EML6: variants seen among roughly 807,000 people sequenced by gnomAD.
EML6 encodes the protein EMAP like 6.
In EML6, 154 loss-of-function variants were observed where a neutral mutation model predicts 240.1. The observed-to-expected ratio is 0.64, with a 90% CI of 0.56 to 0.73. The LOEUF is 0.73. Among genes scored for constraint, EML6 ranks in the 30% least tolerant of loss-of-function variants. The probability of loss-of-function intolerance (pLI) is 0.00; values close to 1 mark genes in which losing one functional copy is unlikely to be tolerated. For synonymous variants in EML6, 1,148 were observed against 899.0 expected (o/e 1.28, Z -4.95); for missense variants, 2,964 against 2,474.6 (o/e 1.20, Z -4.20).
chr2:54,744,574 C>T (rs917968528), intron 2 of EML6, among the ~76,000 whole-genome samples: 2 of 151,686 alleles, frequency 1.3e-5, no homozygotes, highest in Non-Finnish European at 2.9e-5. Context: ...ACCTCTGGAA[C>T]GCAGAGCAGG....
In EML6 at chr2:54,803,034, A is replaced by G. The variant is rs181279322; in HGVS notation, c.198-10198A>G. 1.1e-3 allele frequency among the ~76,000 whole-genome samples: 162 copies of G among 152,108 alleles called. 1 individual carries two copies. The highest frequency in any genetic ancestry group is 3.7e-3 in the African/African-American group (152 of 41,508). On this transcript the variant is annotated intron_variant, in intron 2 of 41. Coordinates refer to ENST00000356458, the MANE Select transcript of EML6 (RefSeq NM_001039753.4). ...CAGGTCCCCTCTTTCCTGCCCACTT[A>G]CTCCTCCAAACACCAACTTGCTGGA...
chr2:54,923,235 C>T lies in EML6; in HGVS notation c.3676-5078C>T, dbSNP rs149672182. ...GGATTACAGGTGTGAGCCACCACGCCTGGCCAAAGAGTATAAACTTTTAAG... is the reference window on the plus strand; with the variant it reads ...GGATTACAGGTGTGAGCCACCACGCTTGGCCAAAGAGTATAAACTTTTAAG... On this transcript the variant is annotated intron_variant, in intron 26 of 41. Transcript: ENST00000356458. Among the ~76,000 whole-genome samples the T allele has an allele frequency of 2.3e-4, 35 of 152,176 alleles. No homozygotes were observed. The Middle Eastern group carries it at 0.01, about 44-fold the overall frequency.
At chr2:54,729,677 C>G (rs1683069839) in intron 2 of EML6, among the ~76,000 whole-genome samples, 1 of 152,196 alleles carries the variant, frequency 6.6e-6, no homozygotes, top group African/African-American at 2.4e-5. Flanking sequence ...GCTTTATGGC[C>G]TCTTATATTG....
chr2:54,784,330 C>G (rs1437161302), intron 2 of EML6, among the ~76,000 whole-genome samples: 1 of 152,092 alleles, frequency 6.6e-6, no homozygotes, highest in Non-Finnish European at 1.5e-5. Context: ...GTGCCTATCA[C>G]TTTTTTGCTA....
At chr2:54,830,554 G>A (rs1668817763) in intron 7 of EML6, among the ~76,000 whole-genome samples, 4 of 152,204 alleles carry the variant, frequency 2.6e-5, no homozygotes, top group Admixed American at 2.6e-4. Context: ...CCCCCGCTGT[G>A]TGACCTGATG....
Position 54,928,665 on chromosome 2 carries a change from C to T in EML6, c.3918C>T (p.Tyr1306=), listed in dbSNP as rs1237878694. 1.9e-6 allele frequency: 3 copies of T among 1,552,122 alleles called. No homozygotes were observed. Among genetic ancestry groups the T allele is most frequent in the East Asian group, 2.4e-5 (1 of 40,926 alleles). ...SDVAREKAID[Y]TTKIYAVSIR... is the part of the protein sequence containing the mutation. Reference sequence around the variant, plus strand: ...TTGCTAGAGAAAAGGCCATTGACTACACCACCAAGATTTATGCTGTGAGCA... The same window carrying T: ...TTGCTAGAGAAAAGGCCATTGACTATACCACCAAGATTTATGCTGTGAGCA... The change falls in exon 28 of 42, where the codon TAC becomes TAT. Residue 1306 remains tyrosine (Y), a synonymous_variant. Coordinates refer to ENST00000356458, the MANE Select transcript of EML6 (RefSeq NM_001039753.4).
intron 28 of EML6, among the ~76,000 whole-genome samples, chr2:54,942,833 A>G (rs1675495882): frequency 6.6e-6 from 1 of 152,068 alleles, no homozygotes; most frequent in African/African-American, 2.4e-5. Flanking sequence ...CCTGATCTTC[A>G]TCAAGACAAA....
chr2:54,953,624 G>A (rs1676090014), intron 31 of EML6, among the ~76,000 whole-genome samples: 1 of 152,102 alleles, frequency 6.6e-6, no homozygotes, highest in Non-Finnish European at 1.5e-5. Flanking sequence ...GGGCGGCAGT[G>A]GCTCACATTT....
chr2:54,948,315 C>T (rs1675793469), intron 28 of EML6, among the ~76,000 whole-genome samples: 1 of 152,126 alleles, frequency 6.6e-6, no homozygotes, highest in Non-Finnish European at 1.5e-5. Context: ...GGCGGGAGTG[C>T]TGTCTGTCTC....
chr2:54,869,130 T>C lies in EML6; in HGVS notation c.2052-51T>C. On this transcript the variant is annotated intron_variant, in intron 14 of 41. Coordinates refer to ENST00000356458, the MANE Select transcript of EML6 (RefSeq NM_001039753.4). ...CTTGCCTCTGACACCTCCTGCTCCA[T>C]GCATTTGCTGTTTGTTCAACCACTA... is the stretch of plus-strand genomic sequence containing the variant. 4 of 1,282,624 alleles carry C rather than the reference T, an allele frequency of 3.1e-6. No homozygotes were observed. In the South Asian group the frequency reaches 5.5e-5, roughly 18 times the overall value. 79.5% of individuals were successfully genotyped at this position (1,282,624 alleles called of 1,614,324 possible). A position where few individuals can be genotyped will look rare whatever the true frequency, so the allele number is the denominator to read the frequency against.
chr2:54,913,950 C>T (rs906690618), intron 25 of EML6, among the ~76,000 whole-genome samples: 1 of 152,102 alleles, frequency 6.6e-6, no homozygotes, highest in Non-Finnish European at 1.5e-5. Context: ...TTGACTGTGT[C>T]GAAGATCAGC....
chr2:54,927,782 C>T (rs527592017), intron 26 of EML6, among the ~76,000 whole-genome samples: 30 of 152,208 alleles, frequency 2.0e-4, no homozygotes, highest in African/African-American at 4.8e-4. Flanking sequence ...TCAATGTTTG[C>T]GTGTTTGTAT....
rs1369856811 is a variant in EML6, at chr2:54,954,080, C to T, written c.4410C>T (p.Phe1470=). 2 of 1,551,766 alleles carry T rather than the reference C, an allele frequency of 1.3e-6. No homozygotes were observed. Among genetic ancestry groups the T allele is most frequent in the Admixed American group, 3.9e-5 (2 of 50,994 alleles). Residue 1470 remains phenylalanine (F), a synonymous_variant, in exon 32 of 42, where the codon TTC becomes TTT. Transcript: ENST00000356458. The stretch of plus-strand genomic sequence containing the variant: ...CCAAGGGGGTGAATTACATCAACTT[C>T]AGTGCAACTGGAAAGCTCCTGGTGT... ...FHSKGVNYIN[F]SATGKLLVSV...
intron 28 of EML6, among the ~76,000 whole-genome samples, chr2:54,931,606 C>T (rs896610083): frequency 2.6e-5 from 4 of 152,138 alleles, no homozygotes; most frequent in Non-Finnish European, 1.5e-5. Flanking sequence ...AGGGGTTTTC[C>T]TTGGTGTTCC....
intron 21 of EML6, among the ~76,000 whole-genome samples, chr2:54,896,641 A>G (rs976803319): frequency 1.6e-4 from 25 of 152,228 alleles, no homozygotes; most frequent in Admixed American, 1.4e-3. Flanking sequence ...TCATATGAGC[A>G]GTCAGAACTT....
At chr2:54,825,542 C>G (rs1218808354) in intron 5 of EML6, among the ~76,000 whole-genome samples, 5 of 152,178 alleles carry the variant, frequency 3.3e-5, no homozygotes, top group African/African-American at 9.7e-5. Context: ...GTATTACAGG[C>G]ATGAGCCACT....
intron 2 of EML6, among the ~76,000 whole-genome samples, chr2:54,742,801 C>T (rs968340699): frequency 2.6e-5 from 4 of 152,152 alleles, no homozygotes; most frequent in Non-Finnish European, 5.9e-5. Flanking sequence ...TGAAGAATGA[C>T]ATAAAAGAGA....
intron 11 of EML6, among the ~76,000 whole-genome samples, chr2:54,854,814 C>T (rs1670284382): frequency 6.6e-6 from 1 of 152,240 alleles, no homozygotes; most frequent in Non-Finnish European, 1.5e-5. Context: ...ATGCCCAATT[C>T]ATACTCTTCT....
intron 8 of EML6, among the ~76,000 whole-genome samples, chr2:54,846,399 A>C (rs955615094): frequency 4.0e-5 from 6 of 151,630 alleles, no homozygotes; most frequent in South Asian, 4.1e-4. Flanking sequence ...ATATATAGAT[A>C]TATATTTATA....
Sources: gnomAD v4.1 joint callset for allele counts (sites outside exome capture counted in the v4.1 genomes callset) on GRCh38, gnomAD v4.1.1 for gene constraint, MANE v1.5 for transcripts, NCBI Gene and HGNC (gene_info 2026-07-23, HGNC 2026-07-21) for gene names.